PLGRKT: variants seen among roughly 807,000 people sequenced by gnomAD.
PLGRKT encodes plasminogen receptor (KT).
Under a neutral mutation model 18.5 loss-of-function variants are expected in PLGRKT, and 22 were observed. That is an observed-to-expected ratio of 1.19 (90% CI 0.85 to 1.70). The LOEUF is 1.70. Ranked by LOEUF, PLGRKT falls within the 40% of genes most tolerant of loss-of-function variation. The pLI is 0.00. For synonymous variants in PLGRKT, 72 were observed against 52.8 expected (o/e 1.36, Z -1.58); for missense variants, 235 against 174.4 (o/e 1.35, Z -1.96).
At chr9:5,366,181 G>C (rs1817382903) in intron 3 of PLGRKT, among the ~76,000 whole-genome samples, 1 of 151,632 alleles carries the variant, frequency 6.6e-6, no homozygotes, top group Non-Finnish European at 1.5e-5. Flanking sequence ...AACCATAAAG[G>C]GATAAATGAA....
At chr9:5,392,814 TTTTA>T (rs1817974533) in intron 3 of PLGRKT, among the ~76,000 whole-genome samples, 2 of 151,700 alleles carry the variant, frequency 1.3e-5, no homozygotes, top group Non-Finnish European at 2.9e-5. Context: ...CCGGATTGAT[TTTTA>T]TTTATTTACT....
At chr9:5,422,282 G>T (rs968412639) in intron 3 of PLGRKT, among the ~76,000 whole-genome samples, 6 of 152,176 alleles carry the variant, frequency 3.9e-5, no homozygotes, top group Non-Finnish European at 5.9e-5. Context: ...GACCTCATGA[G>T]CCTTGTGATG....
In PLGRKT at chr9:5,372,636, A is replaced by G. The variant is rs560002983; in HGVS notation, c.82-10748T>C. On this transcript the variant is annotated intron_variant, in intron 3 of 5. Coordinates refer to ENST00000223864, the MANE Select transcript of PLGRKT (RefSeq NM_018465.4). ...CAGGTGCTCAGGACTAAATATTGAA[A>G]TGTCACCTCTGCTACTGTGCTTACA... is the stretch of plus-strand genomic sequence containing the variant. 5.9e-5 allele frequency among the ~76,000 whole-genome samples: 9 copies of G among 152,282 alleles called. No individual in the cohort carries two copies. In the South Asian group the frequency reaches 1.9e-3, roughly 32 times the overall value.
chr9:5,423,463 C>T (rs1409946937), intron 3 of PLGRKT, among the ~76,000 whole-genome samples: 1 of 152,076 alleles, frequency 6.6e-6, no homozygotes, highest in East Asian at 1.9e-4. Flanking sequence ...ATACATTCTT[C>T]CTTCATTTTA....
intron 3 of PLGRKT, among the ~76,000 whole-genome samples, chr9:5,381,252 C>G (rs1289724460): frequency 1.3e-5 from 2 of 152,236 alleles, no homozygotes; most frequent in Non-Finnish European, 2.9e-5. Context: ...GTGGCAGCCC[C>G]TCCCATTACA....
In PLGRKT at chr9:5,418,208, G is replaced by A. The variant is rs1177327557; in HGVS notation, c.81+13689C>T. 6.6e-6 allele frequency among the ~76,000 whole-genome samples: 1 copy of A among 152,122 alleles called. No individual in the cohort carries two copies. Among genetic ancestry groups the A allele is most frequent in the Non-Finnish European group, 1.5e-5 (1 of 68,018 alleles). ...GTATCTTGTTGAGACCTCACCTTCTGCCCTTCATGTCTGTCTTGCGGTAAA... is the reference window on the plus strand; with the variant it reads ...GTATCTTGTTGAGACCTCACCTTCTACCCTTCATGTCTGTCTTGCGGTAAA... On this transcript the variant is annotated intron_variant, in intron 3 of 5. Transcript: ENST00000223864. This position sits in a 1 kb window ranked among gnomAD's most constrained non-coding sequence, Gnocchi z 4.2.
intron 3 of PLGRKT, among the ~76,000 whole-genome samples, chr9:5,386,552 A>C (rs1397865188): frequency 6.6e-6 from 1 of 151,866 alleles, no homozygotes; most frequent in African/African-American, 2.4e-5. Context: ...TGTGGTTGAG[A>C]AATTCTGGCC....
intron 3 of PLGRKT, among the ~76,000 whole-genome samples, chr9:5,417,289 A>C (rs1818480735): frequency 6.6e-6 from 1 of 152,210 alleles, no homozygotes; most frequent in Admixed American, 6.5e-5. Context: ...GTATGCTTAT[A>C]AAGAATGGAC....
intron 3 of PLGRKT, among the ~76,000 whole-genome samples, chr9:5,367,795 G>A (rs1817427439): frequency 6.6e-6 from 1 of 151,948 alleles, no homozygotes; most frequent in African/African-American, 2.4e-5. Context: ...TATCAACAGA[G>A]TAAACAATTT....
intron 3 of PLGRKT, among the ~76,000 whole-genome samples, chr9:5,423,011 T>C (rs1013512357): frequency 6.6e-6 from 1 of 152,208 alleles, no homozygotes; most frequent in Non-Finnish European, 1.5e-5. Context: ...CTTTTTATCA[T>C]CATGCATATA....
In PLGRKT at chr9:5,418,325, A is replaced by G; in HGVS notation, c.81+13572T>C. 1.7e-6 allele frequency: 1 copy of G among 600,440 alleles called. No homozygotes were observed. Among genetic ancestry groups the G allele is most frequent in the Non-Finnish European group, 3.1e-6 (1 of 321,322 alleles). 37.2% of individuals were successfully genotyped at this position (600,440 alleles called of 1,614,324 possible). On this transcript the variant is annotated intron_variant, in intron 3 of 5. Transcript: ENST00000223864. The surrounding 1 kb of genome is among the most constrained non-coding windows in gnomAD (Gnocchi z 4.2). ...TGGGATCTCATCACCAATGTGCTCA[A>G]CCCCTAAGTTGGCACCCACAAGAGA...
At chr9:5,413,142 G>A (rs1818396644) in intron 3 of PLGRKT, among the ~76,000 whole-genome samples, 1 of 152,188 alleles carries the variant, frequency 6.6e-6, no homozygotes, top group Non-Finnish European at 1.5e-5. Context: ...AAACCCTTCT[G>A]AAGAGAAACG....
chr9:5,422,921 G>C (rs1177365854), intron 3 of PLGRKT, among the ~76,000 whole-genome samples: 1 of 152,050 alleles, frequency 6.6e-6, no homozygotes, highest in Non-Finnish European at 1.5e-5. Flanking sequence ...TTTCTAAATT[G>C]ACAAGATTAT....
intron 3 of PLGRKT, among the ~76,000 whole-genome samples, chr9:5,430,203 G>A (rs1339362181): frequency 6.6e-6 from 1 of 152,232 alleles, no homozygotes; most frequent in East Asian, 1.9e-4. Flanking sequence ...CCAGTCTTCT[G>A]TAATAGGCTA....
chr9:5,371,078 C>A (rs1817505073), intron 3 of PLGRKT, among the ~76,000 whole-genome samples: 1 of 152,182 alleles, frequency 6.6e-6, no homozygotes, highest in South Asian at 2.1e-4. Context: ...AACATAATTA[C>A]ATCCATTCTT....
At position 5,436,860 on chromosome 9, in the gene PLGRKT, A is replaced by C. The variant is rs1362471957; in HGVS notation, c.-132-166T>G. On this transcript the variant is annotated intron_variant, in intron 1 of 5. Transcript: ENST00000223864. ...CACTTTCAGCTATCTCCTCTTGCTC[A>C]CAAAATATGTATCAGAAAATAAGCA... 3.9e-5 allele frequency among the ~76,000 whole-genome samples: 6 copies of C among 152,366 alleles called. No individual in the cohort carries two copies. The East Asian group carries it at 1.2e-3, about 29-fold the overall frequency.
At chr9:5,425,461 A>C (rs1281609576) in intron 3 of PLGRKT, among the ~76,000 whole-genome samples, 1 of 152,206 alleles carries the variant, frequency 6.6e-6, no homozygotes, top group Non-Finnish European at 1.5e-5. Context: ...ACCAGACTCC[A>C]GTGATTGATT....
At chr9:5,376,117 AT>A (rs1437168271) in intron 3 of PLGRKT, among the ~76,000 whole-genome samples, 3 of 152,240 alleles carry the variant, frequency 2.0e-5, no homozygotes, top group Non-Finnish European at 4.4e-5. Context: ...AAATTATATA[AT>A]TCCACTTATA....
intron 5 of PLGRKT, among the ~76,000 whole-genome samples, chr9:5,360,511 C>G (rs1360946097): frequency 6.6e-6 from 1 of 152,130 alleles, no homozygotes. Context: ...TTTTCAACCC[C>G]TGGTCCAGAC....
Sources: gnomAD v4.1 joint callset for allele counts (sites outside exome capture counted in the v4.1 genomes callset) on GRCh38, gnomAD v4.1.1 for gene constraint, Gnocchi (gnomAD v3.1) non-coding constraint, MANE v1.5 for transcripts, NCBI Gene and HGNC (gene_info 2026-07-23, HGNC 2026-07-21) for gene names.